Variants in CACNA2D3 observed in about 807,000 individuals in gnomAD.
CACNA2D3 encodes the protein calcium voltage-gated channel auxiliary subunit alpha2delta 3.
CACNA2D3 carries 60 observed loss-of-function variants against 160.6 expected under a neutral mutation model. The observed-to-expected ratio is 0.37, with a 90% CI of 0.30 to 0.46. CACNA2D3 has a LOEUF of 0.46. CACNA2D3 is among the 20% of genes least tolerant of loss of function. The pLI is 1.00. For missense variants in CACNA2D3, 1,205 were observed against 1,365.0 expected, an observed-to-expected ratio of 0.88 and a Z score of 1.85; for synonymous variants, 558 against 492.9, an observed-to-expected ratio of 1.13 and a Z score of -1.75.
chr3:54,653,451 G>T (rs1699814742), intron 11 of CACNA2D3, among the ~76,000 whole-genome samples: 2 of 152,068 alleles, frequency 1.3e-5, no homozygotes, highest in Admixed American at 6.5e-5. Context: ...TTCTTCAAGG[G>T]TGATAAATCC....
At chr3:54,634,310 G>A (rs766765085) in intron 10 of CACNA2D3, among the ~76,000 whole-genome samples, 1 of 152,058 alleles carries the variant, frequency 6.6e-6, no homozygotes, top group Non-Finnish European at 1.5e-5. Flanking sequence ...ACATCTCTCA[G>A]GTATAACTCA....
At chr3:54,821,405 T>C (rs1703587774) in intron 14 of CACNA2D3, among the ~76,000 whole-genome samples, 1 of 152,192 alleles carries the variant, frequency 6.6e-6, no homozygotes, top group African/African-American at 2.4e-5. Context: ...GATCTGTTGT[T>C]CTATGCCTGC....
At chr3:54,720,858 T>C (rs954698471) in intron 11 of CACNA2D3, among the ~76,000 whole-genome samples, 6 of 152,280 alleles carry the variant, frequency 3.9e-5, no homozygotes, top group Middle Eastern at 3.4e-3. Context: ...GTATCACTTA[T>C]AATTACATTG....
intron 11 of CACNA2D3, among the ~76,000 whole-genome samples, chr3:54,735,786 G>A (rs1272794349): frequency 6.6e-6 from 1 of 151,142 alleles, no homozygotes; most frequent in Non-Finnish European, 1.5e-5. Context: ...TTTATTAAAT[G>A]GAATTGAGTG....
rs1553897791 is a variant in CACNA2D3, at chr3:54,871,202, C to CACACACACACACACAGAG, written c.1627-322_1627-321insGAGACACACACACACACA. Among the ~76,000 whole-genome samples, 67 of 144,648 alleles carry CACACACACACACACAGAG rather than the reference C, an allele frequency of 4.6e-4. 1 individual carries two copies. Among genetic ancestry groups the CACACACACACACACAGAG allele is most frequent in the African/African-American group, 1.7e-3 (62 of 36,074 alleles). 94.9% of individuals were successfully genotyped at this position (144,648 alleles called of 152,430 possible). A position where few individuals can be genotyped will look rare whatever the true frequency, so the allele number is the denominator to read the frequency against. On this transcript the variant is annotated intron_variant, in intron 17 of 37. Transcript: ENST00000474759. ...GTGGAGACACACACACACACACACA[C>CACACACACACACACAGAG]ACACACACACACACACACACACCCC...
intron 2 of CACNA2D3, among the ~76,000 whole-genome samples, chr3:54,303,716 G>C (rs562002402): frequency 9.2e-5 from 14 of 152,114 alleles, no homozygotes; most frequent in African/African-American, 1.4e-4. Context: ...GGGGAGACAT[G>C]GCTCACGGGA....
At chr3:54,943,601 C>T (rs1701533366) in intron 27 of CACNA2D3, among the ~76,000 whole-genome samples, 1 of 151,848 alleles carries the variant, frequency 6.6e-6, no homozygotes, top group South Asian at 2.1e-4. Flanking sequence ...TTAGAAAATC[C>T]CCTGGTCTTC....
intron 5 of CACNA2D3, among the ~76,000 whole-genome samples, chr3:54,534,256 GT>G (rs1048162390): frequency 6.6e-6 from 1 of 152,184 alleles, no homozygotes; most frequent in African/African-American, 2.4e-5. Context: ...ATTATGGGTA[GT>G]TTTTAATTCT....
chr3:54,204,894 A>G (rs1053241162), intron 2 of CACNA2D3, among the ~76,000 whole-genome samples: 1 of 151,942 alleles, frequency 6.6e-6, no homozygotes, highest in Non-Finnish European at 1.5e-5. Flanking sequence ...CTCCTCAAAG[A>G]TGAAAGAATA....
intron 13 of CACNA2D3, among the ~76,000 whole-genome samples, chr3:54,803,627 C>A (rs1353419146): frequency 1.3e-5 from 2 of 152,210 alleles, no homozygotes; most frequent in Admixed American, 6.5e-5. Context: ...TTGGAAAACA[C>A]TCTGCAGGAT....
At chr3:54,309,874 T>C (rs1044922586) in intron 2 of CACNA2D3, among the ~76,000 whole-genome samples, 2 of 151,984 alleles carry the variant, frequency 1.3e-5, no homozygotes. Flanking sequence ...ATTTGCCACA[T>C]TGAGCCCTGA....
At chr3:54,179,241 A>G (rs1390680953) in intron 2 of CACNA2D3, among the ~76,000 whole-genome samples, 5 of 152,198 alleles carry the variant, frequency 3.3e-5, no homozygotes, top group African/African-American at 1.2e-4. Flanking sequence ...TCAAAGTAGG[A>G]ATGTGACCGC....
chr3:54,343,454 G>A (rs1339237103), intron 3 of CACNA2D3, among the ~76,000 whole-genome samples: 2 of 152,036 alleles, frequency 1.3e-5, no homozygotes, highest in Admixed American at 6.5e-5. Flanking sequence ...CCCACGCCCA[G>A]CTAATTTTTT....
intron 14 of CACNA2D3, among the ~76,000 whole-genome samples, chr3:54,822,814 T>TC (rs1703661612): frequency 2.4e-5 from 3 of 123,472 alleles, no homozygotes; most frequent in Admixed American, 8.3e-5. Flanking sequence ...TTTCTTTCTT[T>TC]CTTTCTTTCT....
At chr3:54,907,688 A>C (rs1237441966) in intron 27 of CACNA2D3, among the ~76,000 whole-genome samples, 1 of 152,158 alleles carries the variant, frequency 6.6e-6, no homozygotes, top group African/African-American at 2.4e-5. Context: ...TTTTGTATTA[A>C]AACTTTGAAA....
chr3:54,627,653 G>C, intron 9 of CACNA2D3, 134 bp from the exon 10 acceptor site: 1 of 659,042 alleles, frequency 1.5e-6, no homozygotes, highest in Non-Finnish European at 2.8e-6. Flanking sequence ...TTTGAATGTA[G>C]AAGGAAAAAG....
At chr3:54,423,435 G>T (rs1173503489) in intron 4 of CACNA2D3, among the ~76,000 whole-genome samples, 3 of 152,172 alleles carry the variant, frequency 2.0e-5, no homozygotes, top group Non-Finnish European at 4.4e-5. Flanking sequence ...TGAGACCTGT[G>T]TGCCTCCCTC....
Position 54,503,536 on chromosome 3 carries a change from C to T in CACNA2D3, c.426C>T (p.Asp142=), listed in dbSNP as rs532127932. 17 of 1,613,760 alleles carry T rather than the reference C, an allele frequency of 1.1e-5. 1 individual carries two copies. The highest frequency in any genetic ancestry group is 3.3e-4 in the Middle Eastern group (2 of 6,062). ...NAVLINERDK[D]GNFLELGKEF... The stretch of plus-strand genomic sequence containing the variant: ...TGCTGATAAATGAAAGGGACAAAGA[C>T]GGGAATTTTTTGGAGCTGGGAAAGG... The change falls in exon 5 of 38, where the codon GAC becomes GAT. Residue 142 remains aspartate, a synonymous_variant. Coordinates refer to ENST00000474759, the MANE Select transcript of CACNA2D3 (RefSeq NM_018398.3).
At chr3:54,429,555 A>G (rs546526539) in intron 4 of CACNA2D3, among the ~76,000 whole-genome samples, 14 of 152,242 alleles carry the variant, frequency 9.2e-5, no homozygotes, top group African/African-American at 3.4e-4. Context: ...GAGTGGTCAT[A>G]AGCTTCTCAG....
Sources: allele counts gnomAD v4.1 joint callset (sites outside exome capture counted in the v4.1 genomes callset), GRCh38; gene constraint gnomAD v4.1.1; transcripts MANE v1.5; gene names NCBI Gene and HGNC (gene_info 2026-07-23, HGNC 2026-07-21).